Variants in HVCN1 observed in about 807,000 individuals in gnomAD.
HVCN1 encodes the protein hydrogen voltage gated channel 1.
In HVCN1, 14 loss-of-function variants were observed where a neutral mutation model predicts 29.2. The ratio of observed to expected loss-of-function variants is 0.48; its 90% CI spans 0.32 to 0.75. The LOEUF is 0.75. HVCN1 is among the 30% of genes least tolerant of loss of function. The pLI is 0.04. For missense variants in HVCN1, 263 were observed against 341.8 expected (o/e 0.77, Z 1.82); for synonymous variants, 131 against 133.2 (o/e 0.98, Z 0.11).
intron 3 of HVCN1, among the ~76,000 whole-genome samples, chr12:110,677,423 C>G (rs1399046374): frequency 6.6e-6 from 1 of 152,198 alleles, no homozygotes; most frequent in Non-Finnish European, 1.5e-5. Context: ...ACCCTGTCCT[C>G]TATCTTCTTC....
intron 3 of HVCN1, among the ~76,000 whole-genome samples, chr12:110,679,589 C>T (rs979426788): frequency 6.6e-6 from 1 of 152,092 alleles, no homozygotes; most frequent in Non-Finnish European, 1.5e-5. Context: ...CGCGGTGGCT[C>T]ACGCCTGTAA....
intron 3 of HVCN1, among the ~76,000 whole-genome samples, chr12:110,673,997 C>T (rs1249944194): frequency 2.0e-5 from 3 of 152,226 alleles, no homozygotes; most frequent in Non-Finnish European, 4.4e-5. Flanking sequence ...GGTAGATCCA[C>T]CAATAGCTTG....
rs998589737 is a variant in HVCN1 at position 110,676,508 on chromosome 12, T to C, written c.21+6717A>G. 3.3e-5 allele frequency among the ~76,000 whole-genome samples: 5 copies of C among 152,134 alleles called. No homozygotes were observed. Among genetic ancestry groups the C allele is most frequent in the Admixed American group, 3.3e-4 (5 of 15,274 alleles). Reference sequence around the variant, plus strand: ...GCCTAGACTGCTTGTGGAAACAGCATGGTTTATGCTGAACTCCTACTTTCA... The same window carrying C: ...GCCTAGACTGCTTGTGGAAACAGCACGGTTTATGCTGAACTCCTACTTTCA... On this transcript the variant is annotated intron_variant, in intron 3 of 7. Coordinates refer to ENST00000242607, the MANE Select transcript of HVCN1 (RefSeq NM_032369.4). This position sits in a 1 kb window ranked among gnomAD's most constrained non-coding sequence, Gnocchi z 4.1.
At chr12:110,685,882 A>G (rs1316163164) in intron 2 of HVCN1, among the ~76,000 whole-genome samples, 1 of 151,916 alleles carries the variant, frequency 6.6e-6, no homozygotes. Flanking sequence ...GGGTCTCACT[A>G]TGTTATCCAG....
Position 110,689,079 on chromosome 12 carries a change from C to G in HVCN1, c.-104+1G>C, listed in dbSNP as rs924815314. 3.9e-5 allele frequency: 6 copies of G among 152,354 alleles called. No homozygotes were observed. The highest frequency in any genetic ancestry group is 1.5e-4 in the African/African-American group (6 of 41,300). The allele number at this position is 152,354 out of a possible 1,614,324, so 9.4% of individuals were successfully genotyped here. On this transcript the variant is annotated splice_donor_variant, in intron 1 of 7. Coordinates refer to ENST00000242607, the MANE Select transcript of HVCN1 (RefSeq NM_032369.4). LOFTEE classifies it low-confidence loss of function (5UTR_SPLICE). The surrounding 1 kb of genome is among the most constrained non-coding windows in gnomAD (Gnocchi z 5.7). ...GCCCCCCGCCCGGCCCGAGCACTTA[C>G]CCGGCGCCCCACCCGCCCGCGGTCA...
rs772491949 is a variant in HVCN1 at position 110,661,493 on chromosome 12, C to A, written c.22-45G>T. On this transcript the variant is annotated intron_variant, in intron 3 of 7. Transcript: ENST00000242607. This position sits in a 1 kb window ranked among gnomAD's most constrained non-coding sequence, Gnocchi z 6.2. ...AGCAAGAGCTTCAGGCAGTTGGCCA[C>A]TCAGAGCCCACATGGCCCAGGCCGG... is the stretch of plus-strand genomic sequence containing the variant. 6.3e-7 allele frequency: 1 copy of A among 1,592,216 alleles called. No homozygotes were observed. Among genetic ancestry groups the A allele is most frequent in the Non-Finnish European group, 8.6e-7 (1 of 1,166,900 alleles).
chr12:110,661,117 T>C lies in HVCN1; in HGVS notation c.306+47A>G, dbSNP rs749062759. ...TGGCCGCCTGCCTCACATTCCCCGA[T>C]GGCTCTCCTGCCAGCTCTGGGTATC... On this transcript the variant is annotated intron_variant, in intron 4 of 7. Coordinates refer to ENST00000242607, the MANE Select transcript of HVCN1 (RefSeq NM_032369.4). This position sits in a 1 kb window ranked among gnomAD's most constrained non-coding sequence, Gnocchi z 6.2. 1.3e-6 allele frequency: 2 copies of C among 1,539,298 alleles called. No homozygotes were observed. Among genetic ancestry groups the C allele is most frequent in the East Asian group, 2.3e-5 (1 of 44,260 alleles).
intron 3 of HVCN1, among the ~76,000 whole-genome samples, chr12:110,666,086 A>G (rs2068339063): frequency 6.6e-6 from 1 of 152,018 alleles, no homozygotes; most frequent in Non-Finnish European, 1.5e-5. Context: ...ATGAAAAATC[A>G]CTGGATGGGC....
At chr12:110,701,265 A>G (rs16940954) in intron 2 of HVCN1, among the ~76,000 whole-genome samples, 8,582 of 152,296 alleles carry the variant, frequency 0.056, 350 homozygotes, top group African/African-American at 0.11. Flanking sequence ...ATCACCATCT[A>G]GAGGGAGCTG....
upstream of HVCN1, chr12:110,689,674 T>G (rs999968555): frequency 6.6e-6 from 1 of 152,236 alleles, no homozygotes; most frequent in Non-Finnish European, 1.5e-5. The surrounding 1 kb of genome is among the most constrained non-coding windows in gnomAD (Gnocchi z 5.7). Flanking sequence ...CTTCCCTTGG[T>G]CGAGGGCTCT....
At chr12:110,696,971 A>G (rs907293894) in intron 2 of HVCN1, among the ~76,000 whole-genome samples, 58 of 152,020 alleles carry the variant, frequency 3.8e-4, no homozygotes, top group African/African-American at 1.3e-3. Flanking sequence ...GGGAAGGAAA[A>G]AGGGGCATGA....
chr12:110,649,563 G>T, intron 7 of HVCN1, 88 bp from the exon 8 acceptor site: 1 of 921,386 alleles, frequency 1.1e-6, no homozygotes. Flanking sequence ...CCAGGCACAG[G>T]ACCACAGAGA....
chr12:110,648,763 G>C lies in HVCN1; in HGVS notation c.*647C>G, dbSNP rs2067594679. ...GCTGGTATGGGTGCCACAGAGGAAA[G>C]AATACAGTAGGAGGGTCCAGGGAAA... On this transcript the variant is annotated 3_prime_UTR_variant, in exon 8 of 8. Transcript: ENST00000242607. 3 of 284,336 alleles carry C rather than the reference G, an allele frequency of 1.1e-5. No homozygotes were observed. The highest frequency in any genetic ancestry group is 7.0e-5 in the African/African-American group (3 of 42,588). 17.6% of individuals were successfully genotyped at this position (284,336 alleles called of 1,614,324 possible). A position where few individuals can be genotyped will look rare whatever the true frequency, so the allele number is the denominator to read the frequency against.
At chr12:110,689,921 G>A (rs2069365930), upstream of HVCN1, 1 of 152,392 alleles carries the variant, frequency 6.6e-6, no homozygotes, top group African/African-American at 2.4e-5. The surrounding 1 kb of genome is among the most constrained non-coding windows in gnomAD (Gnocchi z 5.7). Context: ...GCCGTCTTCT[G>A]CACACCTCTC....
At chr12:110,688,910 G>C (rs1050209230) in intron 1 of HVCN1, among the ~76,000 whole-genome samples, 170 bp downstream of exon 1, 4 of 151,972 alleles carry the variant, frequency 2.6e-5, no homozygotes, top group African/African-American at 4.8e-5. Flanking sequence ...GGACACGCCA[G>C]AGCCGAGGGC....
At chr12:110,649,598 G>A (rs2067689598) in intron 7 of HVCN1, 123 bp from the exon 8 acceptor site, 1 of 734,826 alleles carries the variant, frequency 1.4e-6, no homozygotes, top group Admixed American at 2.1e-5. Flanking sequence ...GCTGTTTGTG[G>A]CATTCAGTCT....
rs374417127 is a variant in HVCN1 at position 110,650,148 on chromosome 12, A to G, written c.756+20T>C. The stretch of plus-strand genomic sequence containing the variant: ...GCATGAGCCACCACGCCTGGTCCCC[A>G]GATGTGTCGTCTTTCTTACCTTCTC... On this transcript the variant is annotated intron_variant, in intron 7 of 7. Coordinates refer to ENST00000242607, the MANE Select transcript of HVCN1 (RefSeq NM_032369.4). 3.8e-4 allele frequency: 588 copies of G among 1,533,454 alleles called. No individual in the cohort carries two copies. Among genetic ancestry groups the G allele is most frequent in the Non-Finnish European group, 4.9e-4 (542 of 1,106,986 alleles). 95.0% of individuals were successfully genotyped at this position (1,533,454 alleles called of 1,614,324 possible). A position where few individuals can be genotyped will look rare whatever the true frequency, so the allele number is the denominator to read the frequency against.
chr12:110,667,099 C>T (rs2068394723), intron 3 of HVCN1, among the ~76,000 whole-genome samples: 1 of 152,152 alleles, frequency 6.6e-6, no homozygotes, highest in African/African-American at 2.4e-5. Flanking sequence ...GGGCCAGCGC[C>T]AGGGTATACT....
At position 110,676,692 on chromosome 12, in the gene HVCN1, C is replaced by G. The variant is rs1233251954; in HGVS notation, c.21+6533G>C. ...CCTGCTGGAGGAAATAAGTGTGACC[C>G]CAAGGACCTCTGCCCCCAACCCAGG... On this transcript the variant is annotated intron_variant, in intron 3 of 7. Transcript: ENST00000242607. The surrounding 1 kb of genome is among the most constrained non-coding windows in gnomAD (Gnocchi z 4.1). Among the ~76,000 whole-genome samples, 1 of 152,224 alleles carries G rather than the reference C, an allele frequency of 6.6e-6. No individual in the cohort carries two copies. Among genetic ancestry groups the G allele is most frequent in the Non-Finnish European group, 1.5e-5 (1 of 68,012 alleles).
Sources: gnomAD v4.1 joint callset for allele counts (sites outside exome capture counted in the v4.1 genomes callset) on GRCh38, gnomAD v4.1.1 for gene constraint, Gnocchi (gnomAD v3.1) non-coding constraint, MANE v1.5 for transcripts, NCBI Gene and HGNC (gene_info 2026-07-23, HGNC 2026-07-21) for gene names.